Variants in SETD9 observed in about 807,000 individuals in gnomAD.
SETD9 encodes SET domain-containing protein 9.
A neutral mutation model predicts 36.4 loss-of-function variants in SETD9; 37 were observed. The ratio of observed to expected loss-of-function variants is 1.02; its 90% CI spans 0.78 to 1.34. The LOEUF is 1.34. Among genes scored for constraint, SETD9 ranks in the 40% most tolerant of loss-of-function variants. The pLI is 0.00. For synonymous variants in SETD9, 128 were observed against 132.9 expected (o/e 0.96, Z 0.26); for missense variants, 323 against 353.2 (o/e 0.91, Z 0.69).
rs1749467719 is a variant in SETD9 at position 56,917,039 on chromosome 5, TTGA to T, written c.*139_*141del. The T allele has an allele frequency of 7.4e-7, 1 of 1,343,816 alleles. No individual in the cohort carries two copies. Among genetic ancestry groups the T allele is most frequent in the South Asian group, 2.0e-5 (1 of 50,426 alleles). The allele number at this position is 1,343,816 out of a possible 1,614,324, so 83.2% of individuals were successfully genotyped here. ...GGAATAGGAATTTCTTATGTTTTTG[TTGA>T]TATTATATTTATGTTCCAATTTCAT... On this transcript the variant is annotated 3_prime_UTR_variant, in exon 6 of 6. Coordinates refer to ENST00000285947, the MANE Select transcript of SETD9 (RefSeq NM_153706.4).
At chr5:56,909,871 A>T in intron 1 of SETD9, 128 bp downstream of exon 1, 1 of 86,116 alleles carries the variant, frequency 1.2e-5, no homozygotes, top group Non-Finnish European at 1.5e-5. Context: ...CCGGGTGGGC[A>T]GGGACTGAGG....
At chr5:56,912,087 G>A (rs1579809371) in intron 2 of SETD9, 6 of 621,084 alleles carry the variant, frequency 9.7e-6, no homozygotes, top group Middle Eastern at 7.8e-4. Flanking sequence ...CCCGGGAGGC[G>A]GAGGTTGCAG....
At chr5:56,928,518 T>G, downstream of SETD9, 1 of 289,060 alleles carries the variant, frequency 3.5e-6, no homozygotes, top group Non-Finnish European at 6.4e-6. Context: ...GAGTGAGACT[T>G]CCTAAAAAAT....
chr5:56,910,036 A>G, intron 1 of SETD9: 2 of 1,331,326 alleles, frequency 1.5e-6, no homozygotes, highest in Non-Finnish European at 1.9e-6. Flanking sequence ...CCTCTTTCCC[A>G]GTGTCCGCTG....
chr5:56,918,568 C>T (rs921099488), downstream of SETD9, among the ~76,000 whole-genome samples: 2 of 152,216 alleles, frequency 1.3e-5, no homozygotes, highest in Non-Finnish European at 2.9e-5. Flanking sequence ...TCTGAGCTCT[C>T]ACATGGCACA....
At chr5:56,925,776 C>T (rs187374670), downstream of SETD9, among the ~76,000 whole-genome samples, 21 of 151,792 alleles carry the variant, frequency 1.4e-4, 1 homozygote, top group East Asian at 3.9e-3. Flanking sequence ...GGCAAAATAC[C>T]CAGAATAGCC....
At chr5:56,914,999 T>C (rs776526415) in intron 5 of SETD9, 33 bp downstream of exon 5, 2 of 1,450,774 alleles carry the variant, frequency 1.4e-6, no homozygotes, top group African/African-American at 2.8e-5. Flanking sequence ...TCATATCTTC[T>C]GCTTATGCTG....
downstream of SETD9, among the ~76,000 whole-genome samples, chr5:56,919,126 C>CTT (rs34426416): frequency 0.12 from 16,354 of 132,428 alleles, 1,611 homozygotes; most frequent in East Asian, 0.38. Flanking sequence ...TTTGGGACTT[C>CTT]TTTTTTTTTT....
intron 1 of SETD9, chr5:56,910,915 G>A (rs2112008208): frequency 7.7e-6 from 2 of 260,664 alleles, no homozygotes; most frequent in East Asian, 1.5e-4. Context: ...CTGCAAAAAT[G>A]GAATAATGTA....
chr5:56,919,692 T>A (rs999447145), downstream of SETD9: 25 of 152,776 alleles, frequency 1.6e-4, no homozygotes, highest in African/African-American at 6.0e-4. Context: ...TCAGTGTTTA[T>A]GTACAAATAT....
downstream of SETD9, chr5:56,920,312 A>C (rs916748634): frequency 1.3e-5 from 2 of 152,602 alleles, no homozygotes; most frequent in Admixed American, 6.5e-5. Context: ...GTATTGCTAT[A>C]ATCACAGCAC....
At chr5:56,912,163 GAAAA>G in intron 2 of SETD9, 1 of 750,694 alleles carries the variant, frequency 1.3e-6, no homozygotes, top group Non-Finnish European at 1.6e-6. Flanking sequence ...TCAAAAAAAA[GAAAA>G]AAAAAAAGCG....
At chr5:56,915,296 A>G (rs1176242322) in intron 5 of SETD9, among the ~76,000 whole-genome samples, 1 of 152,170 alleles carries the variant, frequency 6.6e-6, no homozygotes, top group African/African-American at 2.4e-5. Flanking sequence ...CATTTATAAT[A>G]TCATGTTCTC....
intron 1 of SETD9, chr5:56,910,019 C>T (rs1265209207): frequency 7.4e-7 from 1 of 1,350,362 alleles, no homozygotes; most frequent in Admixed American, 3.2e-5. Context: ...GTGGGCGGGG[C>T]CTATGGCCTC....
At chr5:56,925,969 C>T (rs972071244), downstream of SETD9, among the ~76,000 whole-genome samples, 4 of 151,782 alleles carry the variant, frequency 2.6e-5, no homozygotes, top group African/African-American at 9.7e-5. Flanking sequence ...GATCTTTAAC[C>T]AAAGAACAAA....
intron 2 of SETD9, among the ~76,000 whole-genome samples, chr5:56,912,427 TC>T (rs1337644461): frequency 6.6e-6 from 1 of 152,154 alleles, no homozygotes; most frequent in Non-Finnish European, 1.5e-5. Context: ...TAATTTTACA[TC>T]CCCAAACAAG....
downstream of SETD9, chr5:56,920,165 G>C (rs763022794): frequency 6.6e-6 from 1 of 152,464 alleles, no homozygotes; most frequent in Non-Finnish European, 1.5e-5. Context: ...ACAATTCTTT[G>C]ATCTAATTGT....
intron 2 of SETD9, among the ~76,000 whole-genome samples, chr5:56,912,746 CATATAA>C: frequency 6.6e-6 from 1 of 152,124 alleles, no homozygotes; most frequent in African/African-American, 2.4e-5. Flanking sequence ...TACACATATA[CATATAA>C]ATGTGTATAT....
chr5:56,919,674 CAAA>C (rs960692423), downstream of SETD9: 1 of 152,450 alleles, frequency 6.6e-6, no homozygotes, highest in Admixed American at 6.6e-5. Context: ...AAATAATGCT[CAAA>C]AAAATCAGTG....
Sources: gnomAD v4.1 joint callset for allele counts (sites outside exome capture counted in the v4.1 genomes callset) on GRCh38, gnomAD v4.1.1 for gene constraint, MANE v1.5 for transcripts, NCBI Gene and HGNC (gene_info 2026-07-23, HGNC 2026-07-21) for gene names.